The following BMP8A variants were observed in gnomAD, a reference collection of about 807,000 sequenced individuals.
The protein encoded by BMP8A is bone morphogenetic protein 8a.
BMP8A carries 14 observed loss-of-function variants against 36.8 expected under a neutral mutation model. The observed-to-expected ratio is 0.38, with a 90% confidence interval of 0.25 to 0.60. BMP8A has a LOEUF of 0.60. Among genes scored for constraint, BMP8A ranks in the 20% least tolerant of loss-of-function variants. The probability of loss-of-function intolerance (pLI) is 0.63; values close to 1 mark genes in which losing one functional copy is unlikely to be tolerated. For missense variants in BMP8A, 267 were observed against 551.1 expected (o/e 0.48, Z 5.16); for synonymous variants, 120 against 237.7 (o/e 0.50, Z 4.55).
intron 6 of BMP8A, chr1:39,523,885 C>T (rs923233387): frequency 9.9e-6 from 3 of 304,112 alleles, no homozygotes; most frequent in African/African-American, 6.7e-5. Flanking sequence ...TGATCAGGCG[C>T]AGTGGCTCAC....
In BMP8A at chr1:39,513,403, C is replaced by T. The variant is rs1285017273; in HGVS notation, c.673+1499C>T. Among the ~76,000 whole-genome samples, 104 of 135,764 alleles carry T rather than the reference C, an allele frequency of 7.7e-4. 1 individual carries two copies. Among genetic ancestry groups the T allele is most frequent in the East Asian group, 4.3e-3 (15 of 3,512 alleles). 89.1% of individuals were successfully genotyped at this position (135,764 alleles called of 152,430 possible). On this transcript the variant is annotated intron_variant, in intron 3 of 6. Transcript: ENST00000331593. ...ATGGACAAGAGTGAAGTCAGAGAGA[C>T]GTGTGGGGGCCCCACAGTGGTCCAG...
chr1:39,493,162 C>T (rs1328818656), intron 1 of BMP8A, among the ~76,000 whole-genome samples: 1 of 152,176 alleles, frequency 6.6e-6, no homozygotes, highest in Non-Finnish European at 1.5e-5. Context: ...TAGTGACAGG[C>T]CGGGGTCTGG....
chr1:39,493,589 G>A (rs1645180018), intron 1 of BMP8A, among the ~76,000 whole-genome samples: 1 of 152,268 alleles, frequency 6.6e-6, no homozygotes, highest in Non-Finnish European at 1.5e-5. Flanking sequence ...GAGCAGAAGA[G>A]GGCATGGCCA....
At chr1:39,493,459 C>G (rs1645179330) in intron 1 of BMP8A, among the ~76,000 whole-genome samples, 1 of 152,244 alleles carries the variant, frequency 6.6e-6, no homozygotes, top group Non-Finnish European at 1.5e-5. Flanking sequence ...GATGACATTT[C>G]TGTTGTCAGG....
At chr1:39,501,701 T>C (rs570611214) in intron 1 of BMP8A, among the ~76,000 whole-genome samples, 1 of 152,160 alleles carries the variant, frequency 6.6e-6, no homozygotes, top group Non-Finnish European at 1.5e-5. Context: ...TGGCCTCAAG[T>C]GGTCCTCCTG....
rs765683421 is a variant in BMP8A at position 39,529,560 on chromosome 1, C to T, written c.*3762C>T. The stretch of plus-strand genomic sequence containing the variant: ...AAAAGTCTTGAGCAAACAGTTGCCG[C>T]TCTCCACCCCCTGCTTTTTAAAAAA... On this transcript the variant is annotated 3_prime_UTR_variant, in exon 7 of 7. Coordinates refer to ENST00000331593, the MANE Select transcript of BMP8A (RefSeq NM_181809.4). Among the ~76,000 whole-genome samples, 39 of 152,218 alleles carry T rather than the reference C, an allele frequency of 2.6e-4. No individual in the cohort carries two copies. The highest frequency in any genetic ancestry group is 4.4e-4 in the Non-Finnish European group (30 of 68,040).
At chr1:39,523,722 G>A in intron 6 of BMP8A, 1 of 1,361,744 alleles carries the variant, frequency 7.3e-7, no homozygotes, top group Non-Finnish European at 9.6e-7. Context: ...GCAGGCTTCT[G>A]ATGGGATCAC....
At chr1:39,509,233 C>G (rs939389783) in intron 1 of BMP8A, among the ~76,000 whole-genome samples, 2 of 152,214 alleles carry the variant, frequency 1.3e-5, no homozygotes, top group Non-Finnish European at 2.9e-5. Context: ...ATCACTGTCG[C>G]ATGCCCTGTG....
In BMP8A at chr1:39,492,274, G is replaced by A. The variant is rs200655657; in HGVS notation, c.283G>A (p.Ala95Thr). Residue 95 changes from alanine to threonine, a missense_variant, in exon 1 of 7, where the codon GCG becomes ACG. Coordinates refer to ENST00000331593, the MANE Select transcript of BMP8A (RefSeq NM_181809.4). ...CGACGACGACGAGGACGGCGCGCCC[G>A]CGGAGCAGCGCCTGGGCCGCGCCGA... Reference protein sequence around the residue: ...AGDDDEDGAPAEQRLGRADLV... With the variant: ...AGDDDEDGAPTEQRLGRADLV... The A allele has an allele frequency of 7.7e-4, 1,201 of 1,562,574 alleles. 8 individuals are homozygous for A. Among genetic ancestry groups the A allele is most frequent in the South Asian group, 4.4e-3 (391 of 88,452 alleles).
intron 6 of BMP8A, 115 bp from the exon 7 acceptor site, chr1:39,525,534 C>G: frequency 7.4e-7 from 1 of 1,348,144 alleles, no homozygotes; most frequent in Middle Eastern, 2.6e-4. Context: ...GTGCTGCTCC[C>G]ATGTGGCTTG....
rs754974951 is a variant in BMP8A, at chr1:39,522,985, C to T, written c.949-22C>T. 7 of 1,578,792 alleles carry T rather than the reference C, an allele frequency of 4.4e-6. No individual in the cohort carries two copies. In the Admixed American group the frequency reaches 1.0e-4, roughly 23 times the overall value. ...CAGGGAGGAGCACATGGATGGGACT[C>T]ACCTTCTCCCTTGCCCCCCAGGACT... On this transcript the variant is annotated intron_variant, in intron 5 of 6. Transcript: ENST00000331593.
At chr1:39,515,724 A>G in intron 3 of BMP8A, 1 of 1,576,484 alleles carries the variant, frequency 6.3e-7, no homozygotes, top group East Asian at 2.2e-5. Flanking sequence ...CACGTTCCTA[A>G]CATTTATGTA....
chr1:39,497,212 A>C (rs921630771), intron 1 of BMP8A, among the ~76,000 whole-genome samples: 3 of 152,168 alleles, frequency 2.0e-5, no homozygotes, highest in African/African-American at 7.2e-5. Context: ...ACTTTTATCC[A>C]CATCCCTCTG....
chr1:39,514,580 G>T (rs1386150687), intron 3 of BMP8A, among the ~76,000 whole-genome samples: 1 of 151,472 alleles, frequency 6.6e-6, no homozygotes, highest in African/African-American at 2.4e-5. Context: ...CTGCTCATTG[G>T]ACACTTGGTG....
intron 6 of BMP8A, among the ~76,000 whole-genome samples, 171 bp downstream of exon 6, chr1:39,523,288 C>G (rs1176889628): frequency 1.3e-5 from 2 of 152,184 alleles, no homozygotes; most frequent in Non-Finnish European, 2.9e-5. Flanking sequence ...AGGAACTGGT[C>G]CTCATACAGC....
rs146607525 is a variant in BMP8A at position 39,522,427 on chromosome 1, G to A, written c.893G>A (p.Arg298Gln). 1,167 of 1,611,306 alleles carry A rather than the reference G, an allele frequency of 7.2e-4. 5 individuals are homozygous for A. The African/African-American group carries it at 0.013, about 18-fold the overall frequency. Residue 298 changes from arginine (R) to glutamine (Q), a missense_variant, in exon 5 of 7, where the codon CGG (arginine) becomes CAG (glutamine). Physicochemically the swap from Arg to Gln is conservative, Grantham distance 43 (BLOSUM62 1). This residue lies in a region of BMP8A where 132 missense variants were observed against 151.3 expected (regional missense o/e 0.87). Coordinates refer to ENST00000331593, the MANE Select transcript of BMP8A (RefSeq NM_181809.4). ...GATGACGTCCGCGGCTCCCACGGCC[G>A]GCAGGTCTGCCGTCGGCACGAGCTC... The part of the protein sequence containing the change: ...IFDDVRGSHG[R>Q]QVCRRHELYV...
chr1:39,517,244 G>C (rs1209956392), intron 3 of BMP8A, among the ~76,000 whole-genome samples: 1 of 151,914 alleles, frequency 6.6e-6, no homozygotes, highest in Non-Finnish European at 1.5e-5. Context: ...CGATCCACTT[G>C]CCTCAGCCTC....
chr1:39,494,218 C>T (rs180766982), intron 1 of BMP8A, among the ~76,000 whole-genome samples: 75 of 152,284 alleles, frequency 4.9e-4, no homozygotes, highest in Non-Finnish European at 1.3e-4. Context: ...GTCTTGTACA[C>T]GTGAAACCCA....
In BMP8A at chr1:39,511,205, G is replaced by T. The variant is rs1386838963; in HGVS notation, c.366G>T (p.Glu122Asp). 9 of 1,458,888 alleles carry T rather than the reference G, an allele frequency of 6.2e-6. No individual in the cohort carries two copies. In the Admixed American group the frequency reaches 7.4e-5, roughly 12 times the overall value. 90.4% of individuals were successfully genotyped at this position (1,458,888 alleles called of 1,614,324 possible). ...GAGACCGTGCCCTGGGCCACCAGGA[G>T]CCCCATTGGAAGGAGTTCCGCTTTG... ...VERDRALGHQ[E>D]PHWKEFRFDL... is the part of the protein sequence containing the mutation. Residue 122 changes from glutamate to aspartate, a missense_variant, in exon 2 of 7, where the codon GAG becomes GAT. Physicochemically the swap from Glu to Asp is conservative, Grantham distance 45. This residue lies in a region of BMP8A where 13 missense variants were observed against 75.8 expected (regional missense o/e 0.17). Coordinates refer to ENST00000331593, the MANE Select transcript of BMP8A (RefSeq NM_181809.4).
Sources: gnomAD v4.1 joint callset for allele counts (sites outside exome capture counted in the v4.1 genomes callset) on GRCh38, gnomAD v4.1.1 for gene constraint, gnomAD v4.1.1 regional missense constraint, MANE v1.5 for transcripts, NCBI Gene and HGNC (gene_info 2026-07-23, HGNC 2026-07-21) for gene names.